HDAC4: variants seen among roughly 807,000 people sequenced by gnomAD.
HDAC4 encodes the protein histone deacetylase 4.
Under a neutral mutation model 135.1 loss-of-function variants are expected in HDAC4, and 16 were observed. The ratio of observed to expected loss-of-function variants is 0.12; its 90% confidence interval spans 0.08 to 0.18. The LOEUF (loss-of-function observed/expected upper bound fraction) is 0.18, where lower values mean the gene tolerates loss of function less well. Ranked by LOEUF, HDAC4 falls within the 10% of genes least tolerant of loss-of-function variation. HDAC4 has a pLI of 1.00. For synonymous variants in HDAC4, 685 were observed against 653.4 expected, an observed-to-expected ratio of 1.05 and a Z score of -0.74; for missense variants, 1,143 against 1,511.8, an observed-to-expected ratio of 0.76 and a Z score of 4.05.
In HDAC4 at chr2:239,303,629, A is replaced by AT. The variant is rs2052400596; in HGVS notation, c.22+49048_22+49049insA. On this transcript the variant is annotated intron_variant, in intron 2 of 26. Coordinates refer to ENST00000543185, the MANE Select transcript of HDAC4 (RefSeq NM_001378414.1). The surrounding 1 kb of genome is among the most constrained non-coding windows in gnomAD (Gnocchi z 5.1). Reference sequence around the variant, plus strand: ...TTTTTAATTCACAATTGAGGAAACCAACAGGTTGAGCTGCTGCCTCAAGTA... The same window carrying AT: ...TTTTTAATTCACAATTGAGGAAACCATACAGGTTGAGCTGCTGCCTCAAGTA... Among the ~76,000 whole-genome samples the AT allele has an allele frequency of 6.6e-6, 1 of 151,900 alleles. No homozygotes were observed. Among genetic ancestry groups the AT allele is most frequent in the Non-Finnish European group, 1.5e-5 (1 of 67,946 alleles).
At chr2:239,135,196 C>T (rs1200820884) in intron 9 of HDAC4, among the ~76,000 whole-genome samples, 1 of 152,190 alleles carries the variant, frequency 6.6e-6, no homozygotes, top group African/African-American at 2.4e-5. Flanking sequence ...AAATTGCATG[C>T]CTGTATCAAA....
chr2:239,094,361 C>T (rs981122538), intron 17 of HDAC4: 1 of 985,442 alleles, frequency 1.0e-6, no homozygotes, highest in East Asian at 1.1e-4. Context: ...GATGCCCAGA[C>T]TGGAAAGTCC....
intron 24 of HDAC4, among the ~76,000 whole-genome samples, chr2:239,056,679 C>T (rs1305579040): frequency 6.6e-6 from 1 of 152,234 alleles, no homozygotes; most frequent in Non-Finnish European, 1.5e-5. Flanking sequence ...GGCTTAAGGC[C>T]TCTCCAACTC....
At chr2:239,076,777 A>C (rs1364107550) in intron 22 of HDAC4, among the ~76,000 whole-genome samples, 1 of 152,110 alleles carries the variant, frequency 6.6e-6, no homozygotes, top group Non-Finnish European at 1.5e-5. Context: ...CCAACCACCC[A>C]CTTGGATGGA....
chr2:239,163,822 C>G lies in HDAC4; in HGVS notation c.592G>C (p.Asp198His). Residue 198 changes from aspartate to histidine, a missense_variant, in exon 6 of 27, where the codon GAC becomes CAC. This residue lies in a region of HDAC4 where 247 missense variants were observed against 310.0 expected (regional missense o/e 0.80). Transcript: ENST00000543185. Reference sequence around the variant, plus strand: ...ACTTACCCGTACCAGTAGCGAGGGTCGCTGGAAATGCAGTGGTTCAGATTC... The same window carrying G: ...ACTTACCCGTACCAGTAGCGAGGGTGGCTGGAAATGCAGTGGTTCAGATTC... ...HRNLNHCISS[D>H]PRYWYGKTQH... 2 of 1,614,126 alleles carry G rather than the reference C, an allele frequency of 1.2e-6. No individual in the cohort carries two copies. Among genetic ancestry groups the G allele is most frequent in the Non-Finnish European group, 1.7e-6 (2 of 1,180,028 alleles).
intron 1 of HDAC4, among the ~76,000 whole-genome samples, chr2:239,371,448 C>A (rs1026631342): frequency 1.3e-5 from 2 of 152,120 alleles, no homozygotes; most frequent in African/African-American, 2.4e-5. Flanking sequence ...TTCAATCACA[C>A]TTGCACACTC....
At chr2:239,093,136 C>T in intron 17 of HDAC4, among the ~76,000 whole-genome samples, 1 of 152,212 alleles carries the variant, frequency 6.6e-6, no homozygotes, top group East Asian at 1.9e-4. Flanking sequence ...TTGAAACTTG[C>T]GGTCACTGGA....
At position 239,299,282 on chromosome 2, in the gene HDAC4, T is replaced by C. The variant is rs2052103030; in HGVS notation, c.22+53396A>G. On this transcript the variant is annotated intron_variant, in intron 2 of 26. Coordinates refer to ENST00000543185, the MANE Select transcript of HDAC4 (RefSeq NM_001378414.1). The surrounding 1 kb of genome is among the most constrained non-coding windows in gnomAD (Gnocchi z 4.0). ...CCAACATCAGAGTGAAAATGCCTCA[T>C]GATTGGTCCATCCTGTACAATAGGT... Among the ~76,000 whole-genome samples, 1 of 152,214 alleles carries C rather than the reference T, an allele frequency of 6.6e-6. No homozygotes were observed. The highest frequency in any genetic ancestry group is 2.1e-4 in the South Asian group (1 of 4,836).
upstream of HDAC4, chr2:239,401,454 A>C (rs1404863468): frequency 6.2e-6 from 1 of 162,238 alleles, no homozygotes; most frequent in Non-Finnish European, 1.3e-5. Context: ...GAGGAGGCGC[A>C]GGGACCGGGG....
intron 1 of HDAC4, among the ~76,000 whole-genome samples, chr2:239,379,835 A>G (rs1297063110): frequency 6.6e-6 from 1 of 152,240 alleles, no homozygotes; most frequent in Admixed American, 6.5e-5. Context: ...ACAGGGTCAC[A>G]GGAAACAAAG....
chr2:239,138,568 G>C (rs1462409812), intron 9 of HDAC4, among the ~76,000 whole-genome samples: 1 of 152,210 alleles, frequency 6.6e-6, no homozygotes, highest in Non-Finnish European at 1.5e-5. Flanking sequence ...AGCATTTCCA[G>C]CTCAACTCAT....
chr2:239,111,503 G>T (rs1226933008), intron 14 of HDAC4, 23 bp downstream of exon 14: 3 of 1,605,938 alleles, frequency 1.9e-6, no homozygotes, highest in African/African-American at 2.7e-5. Flanking sequence ...GCACCCTCAG[G>T]CTGCACAAAG....
intron 16 of HDAC4, among the ~76,000 whole-genome samples, chr2:239,097,816 C>T (rs1025835195): frequency 1.3e-5 from 2 of 152,278 alleles, no homozygotes; most frequent in African/African-American, 2.4e-5. Context: ...CCACAGTGGG[C>T]GGGTGCTGCC....
At chr2:239,094,807 C>T (rs2036851204) in intron 17 of HDAC4, 1 of 1,447,836 alleles carries the variant, frequency 6.9e-7, no homozygotes, top group African/African-American at 1.4e-5. Flanking sequence ...CGCCAGACAA[C>T]CTTCCCCAGA....
rs1398524655 is a variant in HDAC4, at chr2:239,306,659, G to A, written c.22+46019C>T. ...GTTCCCCCTATATGCCCCCCACACT[G>A]CCCAGGTGATGGCAGAACCCAGGTC... On this transcript the variant is annotated intron_variant, in intron 2 of 26. Transcript: ENST00000543185. This position sits in a 1 kb window ranked among gnomAD's most constrained non-coding sequence, Gnocchi z 4.5. Among the ~76,000 whole-genome samples the A allele has an allele frequency of 6.6e-6, 1 of 152,062 alleles. No individual in the cohort carries two copies. Among genetic ancestry groups the A allele is most frequent in the Non-Finnish European group, 1.5e-5 (1 of 67,996 alleles).
chr2:239,249,071 CAA>C (rs1428578378), intron 2 of HDAC4, among the ~76,000 whole-genome samples: 2 of 152,204 alleles, frequency 1.3e-5, no homozygotes, highest in African/African-American at 4.8e-5. Context: ...TTCTTTTAGA[CAA>C]AGTGACCTGA....
At chr2:239,291,346 G>C (rs1391988530) in intron 2 of HDAC4, among the ~76,000 whole-genome samples, 1 of 152,250 alleles carries the variant, frequency 6.6e-6, no homozygotes, top group Non-Finnish European at 1.5e-5. Flanking sequence ...GACACCACAG[G>C]CTTGCTGAAA....
intron 9 of HDAC4, among the ~76,000 whole-genome samples, chr2:239,137,619 G>A (rs1008515840): frequency 6.6e-6 from 1 of 152,138 alleles, no homozygotes; most frequent in Admixed American, 6.5e-5. Flanking sequence ...AGGCTGGGAG[G>A]CCCCTGCTCC....
At chr2:239,103,984 C>T (rs963197912) in intron 15 of HDAC4, among the ~76,000 whole-genome samples, 10 of 151,808 alleles carry the variant, frequency 6.6e-5, no homozygotes, top group African/African-American at 2.4e-4. Context: ...GTTCTCTTCT[C>T]ATGAACAACA....
Sources: gnomAD v4.1 joint callset for allele counts (sites outside exome capture counted in the v4.1 genomes callset) on GRCh38, gnomAD v4.1.1 for gene constraint, gnomAD v4.1.1 regional missense constraint, Gnocchi (gnomAD v3.1) non-coding constraint, MANE v1.5 for transcripts, NCBI Gene and HGNC (gene_info 2026-07-23, HGNC 2026-07-21) for gene names.